The following NPAS1 variants were observed in gnomAD, a reference collection of about 807,000 sequenced individuals.
NPAS1 encodes neuronal PAS domain-containing protein 1.
In NPAS1, 29 loss-of-function variants were observed where a neutral mutation model predicts 49.2. The ratio of observed to expected loss-of-function variants is 0.59; its 90% CI spans 0.44 to 0.80. The LOEUF (loss-of-function observed/expected upper bound fraction) is 0.80, where lower values mean the gene tolerates loss of function less well. Among genes scored for constraint, NPAS1 ranks in the 30% least tolerant of loss-of-function variants. NPAS1 has a pLI of 0.00. For missense variants in NPAS1, 825 were observed against 835.5 expected (o/e 0.99, Z 0.15); for synonymous variants, 408 against 380.4 (o/e 1.07, Z -0.84).
At chr19:47,041,560 G>T (rs866406160) in intron 10 of NPAS1, among the ~76,000 whole-genome samples, 1 of 152,188 alleles carries the variant, frequency 6.6e-6, no homozygotes, top group Admixed American at 6.5e-5. Flanking sequence ...CCTTGGGCTG[G>T]AGTAGAAAGC....
chr19:47,041,163 G>A, intron 10 of NPAS1, 38 bp downstream of exon 10: 2 of 1,494,096 alleles, frequency 1.3e-6, no homozygotes, highest in Non-Finnish European at 1.8e-6. Context: ...GGGCACTCAG[G>A]GCCCTGCTGT....
intron 5 of NPAS1, 138 bp from the exon 6 acceptor site, chr19:47,035,826 T>C (rs1299841638): frequency 1.1e-6 from 1 of 874,874 alleles, no homozygotes; most frequent in East Asian, 2.9e-5. Flanking sequence ...TTTTTTGTTT[T>C]TTTCTTTTCT....
At chr19:47,029,175 G>A (rs1374077299) in intron 3 of NPAS1, among the ~76,000 whole-genome samples, 2 of 151,698 alleles carry the variant, frequency 1.3e-5, no homozygotes, top group South Asian at 2.1e-4. Context: ...TCTGCCTCCC[G>A]GGTTCAAGTG....
rs2057052152 is a variant in NPAS1, at chr19:47,044,309, G to A, written c.1313-882G>A. Among the ~76,000 whole-genome samples, 6 of 152,166 alleles carry A rather than the reference G, an allele frequency of 3.9e-5. No homozygotes were observed. In the South Asian group the frequency reaches 1.2e-3, roughly 31 times the overall value. ...GCTGGTCTCGAACTCCTGACCTCAAGTGATTCTCCTGCCTGGGCCTCCCAA... is the reference window on the plus strand; with the variant it reads ...GCTGGTCTCGAACTCCTGACCTCAAATGATTCTCCTGCCTGGGCCTCCCAA... On this transcript the variant is annotated intron_variant, in intron 11 of 11. Coordinates refer to ENST00000602212, the MANE Select transcript of NPAS1 (RefSeq NM_002517.4).
chr19:47,038,846 C>A (rs543527222), intron 6 of NPAS1, among the ~76,000 whole-genome samples, 190 bp from the exon 7 acceptor site: 1 of 152,116 alleles, frequency 6.6e-6, no homozygotes, highest in East Asian at 1.9e-4. Flanking sequence ...AGAAAGGATG[C>A]GGATGGCTGC....
chr19:47,044,227 C>T (rs1429436135), intron 11 of NPAS1, among the ~76,000 whole-genome samples: 1 of 152,192 alleles, frequency 6.6e-6, no homozygotes, highest in African/African-American at 2.4e-5. Flanking sequence ...GCACCTACCA[C>T]CATGCCTGGC....
chr19:47,035,904 C>A, intron 5 of NPAS1, 60 bp from the exon 6 acceptor site: 1 of 1,450,002 alleles, frequency 6.9e-7, no homozygotes, highest in South Asian at 1.5e-5. Context: ...GCCCAGAGGG[C>A]GAGCGAGTTA....
intron 3 of NPAS1, among the ~76,000 whole-genome samples, chr19:47,031,196 T>G (rs529979970): frequency 0.52 from 71,640 of 136,906 alleles, 20,035 homozygotes; most frequent in Non-Finnish European, 0.65. Context: ...TGTGTGTGTT[T>G]TTTTTTTTTT....
In NPAS1 at chr19:47,032,706, G is replaced by A. The variant is rs1472370275; in HGVS notation, c.496G>A (p.Val166Ile). ...AAAATTCCTCTACATCTCAGAGACA[G>A]TCTCCATCTATCTGGGTCTCTCACA... The part of the protein sequence containing the change: ...EGKFLYISET[V>I]SIYLGLSQVE... Residue 166 changes from valine to isoleucine, a missense_variant, in exon 5 of 12, where the codon GTC (valine) becomes ATC (isoleucine). Transcript: ENST00000602212. 6.8e-6 allele frequency: 11 copies of A among 1,614,104 alleles called. No individual in the cohort carries two copies. Among genetic ancestry groups the A allele is most frequent in the Non-Finnish European group, 9.3e-6 (11 of 1,179,974 alleles).
At chr19:47,031,771 T>G (rs987084040) in intron 3 of NPAS1, among the ~76,000 whole-genome samples, 1 of 151,494 alleles carries the variant, frequency 6.6e-6, no homozygotes, top group African/African-American at 2.4e-5. Context: ...CCTTGTGATC[T>G]GCCTGCCTCA....
At chr19:47,044,087 T>C (rs541247170) in intron 11 of NPAS1, among the ~76,000 whole-genome samples, 1 of 152,284 alleles carries the variant, frequency 6.6e-6, no homozygotes, top group East Asian at 1.9e-4. Context: ...TTTATTTTTT[T>C]AGGGGGATGG....
intron 10 of NPAS1, among the ~76,000 whole-genome samples, chr19:47,041,639 C>T (rs1483764041): frequency 1.3e-5 from 2 of 152,074 alleles, no homozygotes; most frequent in African/African-American, 2.4e-5. Flanking sequence ...TCATAGAAAG[C>T]TTTAGAGCTG....
chr19:47,032,763 T>C, intron 5 of NPAS1, 31 bp downstream of exon 5: 1 of 1,504,838 alleles, frequency 6.6e-7, no homozygotes, highest in Non-Finnish European at 9.3e-7. Flanking sequence ...CTGGATTGGC[T>C]CAGCCACCAT....
At chr19:47,027,576 T>G (rs140807633) in intron 3 of NPAS1, among the ~76,000 whole-genome samples, 2,144 of 22,238 alleles carry the variant, frequency 0.096, 782 homozygotes, top group Non-Finnish European at 0.13. Flanking sequence ...CTGGTCTCCC[T>G]TCTCTCTGCC....
At chr19:47,037,106 C>G (rs1248146783) in intron 6 of NPAS1, among the ~76,000 whole-genome samples, 2 of 149,290 alleles carry the variant, frequency 1.3e-5, no homozygotes, top group Non-Finnish European at 3.0e-5. Flanking sequence ...AATCCCAGCA[C>G]TTTGGGAGGC....
Position 47,039,096 on chromosome 19 carries a change from G to C in NPAS1, c.749G>C (p.Arg250Pro). ...SLVQERSFFV[R>P]MKSTLTKRGL... ...GTCCAGGAGCGCTCCTTCTTTGTCC[G>C]CATGAAATCCACGCTCACCAAGAGG... The change falls in exon 7 of 12, where the codon CGC becomes CCC. Residue 250 changes from arginine to proline, a missense_variant. By Grantham distance (103) the Arg-to-Pro change is moderately radical. Coordinates refer to ENST00000602212, the MANE Select transcript of NPAS1 (RefSeq NM_002517.4). 2 of 1,613,792 alleles carry C rather than the reference G, an allele frequency of 1.2e-6. No homozygotes were observed. The highest frequency in any genetic ancestry group is 2.7e-5 in the African/African-American group (2 of 74,988).
chr19:47,043,312 A>T (rs1270325018), intron 11 of NPAS1, among the ~76,000 whole-genome samples: 1 of 136,568 alleles, frequency 7.3e-6, no homozygotes, highest in Non-Finnish European at 1.6e-5. Flanking sequence ...AATCCAGGCC[A>T]GGAGTGGTGA....
chr19:47,032,584 G>C, intron 4 of NPAS1, 59 bp from the exon 5 acceptor site: 1 of 1,495,678 alleles, frequency 6.7e-7, no homozygotes. Context: ...ACCACTTGGC[G>C]GCTGGACAGA....
At chr19:47,033,891 G>A (rs1363388798) in intron 5 of NPAS1, among the ~76,000 whole-genome samples, 3 of 143,694 alleles carry the variant, frequency 2.1e-5, no homozygotes, top group Non-Finnish European at 4.5e-5. Context: ...TGGGAGGATC[G>A]CTTGAGCCCA....
Sources: gnomAD v4.1 joint callset for allele counts (sites outside exome capture counted in the v4.1 genomes callset) on GRCh38, gnomAD v4.1.1 for gene constraint, MANE v1.5 for transcripts, NCBI Gene and HGNC (gene_info 2026-07-23, HGNC 2026-07-21) for gene names.